The following PEBP4 variants were observed in gnomAD, a reference collection of about 807,000 sequenced individuals.
PEBP4 encodes phosphatidylethanolamine-binding protein 4.
PEBP4 carries 22 observed loss-of-function variants against 23.9 expected under a neutral mutation model. The ratio of observed to expected loss-of-function variants is 0.92; its 90% CI spans 0.66 to 1.31. The LOEUF (loss-of-function observed/expected upper bound fraction) is 1.31, where lower values mean the gene tolerates loss of function less well. Ranked by LOEUF, PEBP4 falls within the 40% of genes most tolerant of loss-of-function variation. The pLI is 0.00. For synonymous variants in PEBP4, 112 were observed against 99.3 expected, an observed-to-expected ratio of 1.13 and a Z score of -0.76; for missense variants, 324 against 281.7, an observed-to-expected ratio of 1.15 and a Z score of -1.07.
At chr8:22,893,741 T>C (rs536674844) in intron 3 of PEBP4, among the ~76,000 whole-genome samples, 2 of 151,880 alleles carry the variant, frequency 1.3e-5, no homozygotes, top group East Asian at 1.9e-4. Flanking sequence ...ATAGAAACTA[T>C]TCAAAATAAA....
chr8:22,814,363 C>T lies in PEBP4; in HGVS notation c.357+3274G>A, dbSNP rs1264383188. ...CAAAGGGGTACCATGAATTAATGCC[C>T]GGTCCCTACTGCCAGGCATCTAACT... On this transcript the variant is annotated intron_variant, in intron 4 of 6. Transcript: ENST00000256404. 2.6e-5 allele frequency among the ~76,000 whole-genome samples: 4 copies of T among 152,186 alleles called. No individual in the cohort carries two copies. The East Asian group carries it at 5.8e-4, about 22-fold the overall frequency.
intron 4 of PEBP4, among the ~76,000 whole-genome samples, chr8:22,800,908 A>T (rs1315887963): frequency 6.6e-6 from 1 of 151,954 alleles, no homozygotes; most frequent in Non-Finnish European, 1.5e-5. Context: ...GCCTCAAGAG[A>T]TGAATATATG....
At chr8:22,869,715 A>G (rs903710062) in intron 3 of PEBP4, among the ~76,000 whole-genome samples, 2 of 152,254 alleles carry the variant, frequency 1.3e-5, no homozygotes, top group Non-Finnish European at 2.9e-5. Context: ...TAACCATAGG[A>G]AAATGAATAA....
At chr8:22,856,438 TGA>T (rs1390721732) in intron 3 of PEBP4, among the ~76,000 whole-genome samples, 1 of 152,142 alleles carries the variant, frequency 6.6e-6, no homozygotes, top group African/African-American at 2.4e-5. Context: ...TGAAAAGGGC[TGA>T]GAGAGGTGGC....
chr8:22,869,835 C>A (rs1302560903), intron 3 of PEBP4, among the ~76,000 whole-genome samples: 7 of 152,100 alleles, frequency 4.6e-5, no homozygotes, highest in Non-Finnish European at 1.0e-4. Context: ...TAGTGAATTG[C>A]AAATTAAAAC....
At chr8:22,834,908 T>A (rs1054265827) in intron 3 of PEBP4, among the ~76,000 whole-genome samples, 1 of 152,182 alleles carries the variant, frequency 6.6e-6, no homozygotes, top group Non-Finnish European at 1.5e-5. Context: ...AGCCCAGGAT[T>A]CAGCCCCTAG....
intron 4 of PEBP4, among the ~76,000 whole-genome samples, chr8:22,749,805 C>CTTTTTATTTTTTTTTTTTTTTTTTTTTT (rs1805209388): frequency 2.4e-5 from 2 of 83,762 alleles, no homozygotes; most frequent in South Asian, 4.5e-4. Context: ...GTTTGTCATT[C>CTTTTTATTTTTTTTTTTTTTTTTTTTTT]TTTTTTTTTT....
At chr8:22,869,007 C>G (rs1807957693) in intron 3 of PEBP4, among the ~76,000 whole-genome samples, 1 of 152,176 alleles carries the variant, frequency 6.6e-6, no homozygotes, top group African/African-American at 2.4e-5. Flanking sequence ...ACCCCAAAAT[C>G]ATCCTACATC....
At chr8:22,900,114 G>A (rs1808682280) in intron 3 of PEBP4, among the ~76,000 whole-genome samples, 1 of 152,154 alleles carries the variant, frequency 6.6e-6, no homozygotes, top group Non-Finnish European at 1.5e-5. Context: ...AAGCCCACAG[G>A]ACTACCATGA....
chr8:22,853,715 T>C (rs898108969), intron 3 of PEBP4, among the ~76,000 whole-genome samples: 6 of 152,178 alleles, frequency 3.9e-5, no homozygotes, highest in Admixed American at 6.5e-5. Flanking sequence ...GACTCTACTA[T>C]TGCCTCCTGG....
intron 4 of PEBP4, among the ~76,000 whole-genome samples, chr8:22,780,425 C>G (rs905480012): frequency 5.9e-5 from 9 of 152,148 alleles, no homozygotes; most frequent in African/African-American, 1.7e-4. Flanking sequence ...GTCCAGGACC[C>G]TACTAGGTCC....
intron 3 of PEBP4, among the ~76,000 whole-genome samples, chr8:22,826,964 C>G (rs1806983452): frequency 1.3e-5 from 2 of 152,228 alleles, no homozygotes; most frequent in South Asian, 2.1e-4. Context: ...ACATCAGTCT[C>G]TAGTTCTCTT....
chr8:22,775,234 G>T lies in PEBP4; in HGVS notation c.357+42403C>A, dbSNP rs1585265859. ...CAACTGGCCCCTTCTACCCGAGAAA[G>T]CTGCCTCTCTCAGCAGCATCTTTCA... On this transcript the variant is annotated intron_variant, in intron 4 of 6. Coordinates refer to ENST00000256404, the MANE Select transcript of PEBP4 (RefSeq NM_144962.3). This position sits in a 1 kb window ranked among gnomAD's most constrained non-coding sequence, Gnocchi z 4.8. Among the ~76,000 whole-genome samples the T allele has an allele frequency of 6.6e-6, 1 of 152,306 alleles. No individual in the cohort carries two copies. Among genetic ancestry groups the T allele is most frequent in the African/African-American group, 2.4e-5 (1 of 41,560 alleles).
intron 3 of PEBP4, among the ~76,000 whole-genome samples, chr8:22,822,454 AAAAG>A (rs1385108011): frequency 2.0e-5 from 3 of 152,160 alleles, no homozygotes; most frequent in Non-Finnish European, 4.4e-5. Flanking sequence ...TAAGAAAATA[AAAAG>A]AAACAAAGTG....
intron 6 of PEBP4, among the ~76,000 whole-genome samples, chr8:22,720,479 C>T (rs528860064): frequency 7.9e-5 from 12 of 152,304 alleles, no homozygotes; most frequent in South Asian, 2.1e-4. Flanking sequence ...GGCAGTGTGC[C>T]GCACACAAGG....
chr8:22,883,040 G>A (rs1266253208), intron 3 of PEBP4, among the ~76,000 whole-genome samples: 4 of 152,122 alleles, frequency 2.6e-5, no homozygotes, highest in Non-Finnish European at 5.9e-5. Context: ...CCTGCCTCTA[G>A]GGATCTGTGA....
At chr8:22,855,945 G>T (rs1157340627) in intron 3 of PEBP4, among the ~76,000 whole-genome samples, 1 of 151,560 alleles carries the variant, frequency 6.6e-6, no homozygotes, top group Non-Finnish European at 1.5e-5. Flanking sequence ...AGGAGGCTGA[G>T]GCAGGAGGAG....
In PEBP4 at chr8:22,738,305, C is replaced by T. The variant is rs147940428; in HGVS notation, c.358-11085G>A. 3.7e-3 allele frequency among the ~76,000 whole-genome samples: 562 copies of T among 152,272 alleles called. 2 individuals carry two copies. Among genetic ancestry groups the T allele is most frequent in the Middle Eastern group, 0.031 (9 of 294 alleles). On this transcript the variant is annotated intron_variant, in intron 4 of 6. Coordinates refer to ENST00000256404, the MANE Select transcript of PEBP4 (RefSeq NM_144962.3). ...TCCCACAGACAGACACAGGCGGGCT[C>T]GGCTCAGGAGAGCGAGTCAGAGGTG... is the stretch of plus-strand genomic sequence containing the variant.
At chr8:22,918,359 A>AT (rs1585343622) in intron 3 of PEBP4, among the ~76,000 whole-genome samples, 3 of 152,030 alleles carry the variant, frequency 2.0e-5, no homozygotes, top group African/African-American at 7.2e-5. Flanking sequence ...ATAAATCTCT[A>AT]TGTTCCACAT....
Sources: gnomAD v4.1 joint callset for allele counts (sites outside exome capture counted in the v4.1 genomes callset) on GRCh38, gnomAD v4.1.1 for gene constraint, Gnocchi (gnomAD v3.1) non-coding constraint, MANE v1.5 for transcripts, NCBI Gene and HGNC (gene_info 2026-07-23, HGNC 2026-07-21) for gene names.